Variants in DOCK1 observed in about 807,000 individuals in gnomAD.
DOCK1 encodes the protein dedicator of cytokinesis 1.
In DOCK1, 138 loss-of-function variants were observed where a neutral mutation model predicts 262.7. The ratio of observed to expected loss-of-function variants is 0.53; its 90% CI spans 0.46 to 0.61. DOCK1 has a LOEUF of 0.61. Among genes scored for constraint, DOCK1 ranks in the 20% least tolerant of loss-of-function variants. The probability of loss-of-function intolerance (pLI) is 0.00; values close to 1 mark genes in which losing one functional copy is unlikely to be tolerated. For synonymous variants in DOCK1, 866 were observed against 867.4 expected (o/e 1.00, Z 0.03); for missense variants, 1,908 against 2,370.7 (o/e 0.80, Z 4.05).
At chr10:126,949,051 G>C (rs1241887821) in intron 1 of DOCK1, among the ~76,000 whole-genome samples, 1 of 152,112 alleles carries the variant, frequency 6.6e-6, no homozygotes, top group African/African-American at 2.4e-5. Context: ...CCACCCTTCG[G>C]GATCCTGGCC....
At chr10:127,152,580 A>G (rs2052614278) in intron 27 of DOCK1, among the ~76,000 whole-genome samples, 1 of 152,098 alleles carries the variant, frequency 6.6e-6, no homozygotes, top group Admixed American at 6.6e-5. Context: ...CCTCAGCACT[A>G]TTGACATTTG....
chr10:127,089,490 C>G (rs1325736080), intron 23 of DOCK1, among the ~76,000 whole-genome samples: 1 of 152,178 alleles, frequency 6.6e-6, no homozygotes, highest in Non-Finnish European at 1.5e-5. Context: ...TCTCCACTCT[C>G]AGTGACTTAC....
intron 1 of DOCK1, among the ~76,000 whole-genome samples, chr10:126,955,614 G>GGT (rs1302568777): frequency 6.6e-6 from 1 of 152,104 alleles, no homozygotes; most frequent in African/African-American, 2.4e-5. Context: ...TGGGGTTAAA[G>GGT]GTGGTTCCCA....
chr10:127,020,675 G>C (rs1480447574), intron 13 of DOCK1, among the ~76,000 whole-genome samples: 1 of 152,098 alleles, frequency 6.6e-6, no homozygotes, highest in Non-Finnish European at 1.5e-5. Flanking sequence ...CTGAGTCCTC[G>C]GGTATATATC....
At chr10:127,401,717 G>C (rs1363887767) in intron 38 of DOCK1, among the ~76,000 whole-genome samples, 1 of 140,804 alleles carries the variant, frequency 7.1e-6, no homozygotes. Flanking sequence ...TATTATTTTA[G>C]AGAGACAGTG....
intron 11 of DOCK1, among the ~76,000 whole-genome samples, chr10:127,011,067 A>T (rs1364774394): frequency 1.2e-4 from 18 of 152,230 alleles, no homozygotes; most frequent in African/African-American, 4.3e-4. Flanking sequence ...CTTTGACGCC[A>T]TCTTTTTCTA....
intron 29 of DOCK1, among the ~76,000 whole-genome samples, chr10:127,303,908 G>A (rs2061781504): frequency 6.6e-6 from 1 of 152,204 alleles, no homozygotes; most frequent in Non-Finnish European, 1.5e-5. Flanking sequence ...TAATCGCGAT[G>A]TGTAAAAACG....
intron 27 of DOCK1, among the ~76,000 whole-genome samples, chr10:127,206,334 G>A (rs2057722415): frequency 6.6e-6 from 1 of 151,938 alleles, no homozygotes; most frequent in African/African-American, 2.4e-5. Context: ...AGTAGAGACA[G>A]GGTTTTGCCA....
chr10:127,296,112 G>A (rs1290035202), intron 29 of DOCK1, among the ~76,000 whole-genome samples: 2 of 152,140 alleles, frequency 1.3e-5, no homozygotes, highest in African/African-American at 4.8e-5. Context: ...TAATTTCTGA[G>A]GCCTCTTCTT....
rs1048504311 is a variant in DOCK1, at chr10:127,400,098, C to A, written c.3928-2957C>A. Among the ~76,000 whole-genome samples the A allele has an allele frequency of 4.6e-5, 7 of 151,850 alleles. 1 individual carries two copies. The highest frequency in any genetic ancestry group is 3.9e-4 in the Admixed American group (6 of 15,246). ...CTGGACACTGGTCCCAGCTCTGAAA[C>A]CTTTGTCTTCTTTGGGCTTACTTTT... On this transcript the variant is annotated intron_variant, in intron 38 of 51. Coordinates refer to ENST00000623213, the MANE Select transcript of DOCK1 (RefSeq NM_001290223.2).
At chr10:127,211,176 T>C (rs1168676509) in intron 27 of DOCK1, among the ~76,000 whole-genome samples, 3 of 152,190 alleles carry the variant, frequency 2.0e-5, no homozygotes, top group African/African-American at 7.2e-5. Context: ...GCTGGGCTGC[T>C]GAGTCCTGCA....
At chr10:126,906,803 A>G (rs547161691) in intron 1 of DOCK1, among the ~76,000 whole-genome samples, 39 of 152,218 alleles carry the variant, frequency 2.6e-4, no homozygotes, top group Admixed American at 2.2e-3. Flanking sequence ...TCTGCTGTCA[A>G]TGACTTACAG....
chr10:127,223,691 A>G (rs2058525855), intron 27 of DOCK1, among the ~76,000 whole-genome samples: 1 of 152,246 alleles, frequency 6.6e-6, no homozygotes, highest in South Asian at 2.1e-4. Flanking sequence ...CCACCAGAGA[A>G]GACATCAAGC....
chr10:127,219,538 A>G (rs996993604), intron 27 of DOCK1, among the ~76,000 whole-genome samples: 4 of 152,196 alleles, frequency 2.6e-5, no homozygotes, highest in South Asian at 2.1e-4. Context: ...GTACAGTTCA[A>G]TATTGTGAAG....
At chr10:127,245,491 A>G (rs1020600710) in intron 27 of DOCK1, among the ~76,000 whole-genome samples, 6 of 152,116 alleles carry the variant, frequency 3.9e-5, no homozygotes, top group African/African-American at 1.4e-4. Context: ...GCCTTCTCTG[A>G]TATGCTCTTC....
chr10:127,241,600 T>C (rs2059266954), intron 27 of DOCK1, among the ~76,000 whole-genome samples: 1 of 152,130 alleles, frequency 6.6e-6, no homozygotes, highest in Non-Finnish European at 1.5e-5. Flanking sequence ...AGTGCTTATG[T>C]TCTCTTTGGC....
intron 25 of DOCK1, among the ~76,000 whole-genome samples, chr10:127,110,627 T>C (rs1387132005): frequency 6.6e-6 from 1 of 152,210 alleles, no homozygotes; most frequent in African/African-American, 2.4e-5. Flanking sequence ...TTGTAGCCTT[T>C]AAGATATGTG....
chr10:126,964,902 C>G (rs975812313), intron 1 of DOCK1, among the ~76,000 whole-genome samples: 1 of 152,202 alleles, frequency 6.6e-6, no homozygotes, highest in African/African-American at 2.4e-5. Flanking sequence ...ATTTTGAAGA[C>G]GAACAAATGC....
intron 1 of DOCK1, among the ~76,000 whole-genome samples, chr10:126,945,365 A>C (rs2035311080): frequency 6.6e-6 from 1 of 151,822 alleles, no homozygotes; most frequent in Non-Finnish European, 1.5e-5. Flanking sequence ...CCATAGGGGC[A>C]GCTCATGTAG....
Sources: allele counts gnomAD v4.1 joint callset (sites outside exome capture counted in the v4.1 genomes callset), GRCh38; gene constraint gnomAD v4.1.1; transcripts MANE v1.5; gene names NCBI Gene and HGNC (gene_info 2026-07-23, HGNC 2026-07-21).